ATF7IP2: variants seen among roughly 807,000 people sequenced by gnomAD.
ATF7IP2 encodes activating transcription factor 7 interacting protein 2, also known as activating transcription factor 7-interacting protein 2.
Under a neutral mutation model 64.2 loss-of-function variants are expected in ATF7IP2, and 42 were observed. The ratio of observed to expected loss-of-function variants is 0.65; its 90% CI spans 0.51 to 0.85. The LOEUF (loss-of-function observed/expected upper bound fraction) is 0.85, where lower values mean the gene tolerates loss of function less well. Among genes scored for constraint, ATF7IP2 ranks in the 40% least tolerant of loss-of-function variants. The pLI is 0.00. For synonymous variants in ATF7IP2, 308 were observed against 272.8 expected (o/e 1.13, Z -1.27); for missense variants, 933 against 784.2 (o/e 1.19, Z -2.27).
At chr16:10,468,322 C>G (rs16957343) in intron 9 of ATF7IP2, among the ~76,000 whole-genome samples, 4,059 of 152,130 alleles carry the variant, frequency 0.027, 161 homozygotes, top group African/African-American at 0.091. Flanking sequence ...GCATGGAAAA[C>G]TGTTGAGCAT....
At chr16:10,389,717 A>G (rs1438180631) in intron 1 of ATF7IP2, among the ~76,000 whole-genome samples, 1 of 152,252 alleles carries the variant, frequency 6.6e-6, no homozygotes, top group Admixed American at 6.5e-5. Context: ...GAGTGCTGGC[A>G]AGCAACTGCT....
chr16:10,419,212 A>T (rs1293768046), intron 2 of ATF7IP2, among the ~76,000 whole-genome samples: 1 of 152,238 alleles, frequency 6.6e-6, no homozygotes, highest in African/African-American at 2.4e-5. Flanking sequence ...TAGAATGATT[A>T]CATCCAGGCA....
intron 1 of ATF7IP2, among the ~76,000 whole-genome samples, chr16:10,389,499 C>T (rs2047277857): frequency 1.3e-5 from 2 of 152,120 alleles, no homozygotes; most frequent in Non-Finnish European, 2.9e-5. Context: ...TGCTCCCCGT[C>T]CAGTGTTACC....
chr16:10,427,894 T>A (rs970369453), intron 3 of ATF7IP2, among the ~76,000 whole-genome samples: 7 of 151,468 alleles, frequency 4.6e-5, no homozygotes, highest in Non-Finnish European at 7.4e-5. Flanking sequence ...CAAAGATCTT[T>A]CACAAATGAT....
chr16:10,395,546 C>G (rs1480494778), intron 1 of ATF7IP2, among the ~76,000 whole-genome samples: 1 of 151,950 alleles, frequency 6.6e-6, no homozygotes, highest in Non-Finnish European at 1.5e-5. Context: ...AATCCTCAAC[C>G]AAATACTAGT....
At chr16:10,419,089 G>A (rs546037866) in intron 2 of ATF7IP2, among the ~76,000 whole-genome samples, 13 of 152,130 alleles carry the variant, frequency 8.5e-5, no homozygotes, top group African/African-American at 2.2e-4. Context: ...TCATTTTTTC[G>A]GGCCAGGTCC....
Position 10,473,540 on chromosome 16 carries a change from TA to T in ATF7IP2, c.1482+8del. Reference sequence around the variant, plus strand: ...CTCCCAATGCTGAAGTTATGGTGAGTAATAAATATTGACTCTGAATATTGTT... The same window carrying T: ...CTCCCAATGCTGAAGTTATGGTGAGTATAAATATTGACTCTGAATATTGTT... On this transcript the variant is annotated splice_region_variant and intron_variant, in intron 11 of 13. Coordinates refer to ENST00000562102, the MANE Select transcript of ATF7IP2 (RefSeq NM_001393719.1). The T allele has an allele frequency of 6.5e-7, 1 of 1,529,358 alleles. No individual in the cohort carries two copies. The highest frequency in any genetic ancestry group is 9.0e-7 in the Non-Finnish European group (1 of 1,112,744). 94.7% of individuals were successfully genotyped at this position (1,529,358 alleles called of 1,614,324 possible).
intron 8 of ATF7IP2, among the ~76,000 whole-genome samples, chr16:10,455,693 G>A (rs1328526417): frequency 6.6e-6 from 1 of 152,164 alleles, no homozygotes; most frequent in Non-Finnish European, 1.5e-5. Flanking sequence ...AAATTTGGAA[G>A]TTAAAGACTG....
intron 1 of ATF7IP2, among the ~76,000 whole-genome samples, chr16:10,389,622 C>G (rs1032190653): frequency 6.6e-6 from 1 of 152,036 alleles, no homozygotes; most frequent in African/African-American, 2.4e-5. Context: ...ATTTGTAACT[C>G]AAGAAACAGT....
At chr16:10,461,956 G>T (rs1215397167) in intron 9 of ATF7IP2, among the ~76,000 whole-genome samples, 1 of 151,992 alleles carries the variant, frequency 6.6e-6, no homozygotes, top group African/African-American at 2.4e-5. Context: ...CCTGTTTTCT[G>T]TTTGCCCTGT....
chr16:10,453,855 G>A (rs1459423104), intron 8 of ATF7IP2, among the ~76,000 whole-genome samples: 2 of 152,000 alleles, frequency 1.3e-5, no homozygotes, highest in Admixed American at 6.6e-5. Context: ...GACCTCATGT[G>A]ATCCGCCTGC....
intron 1 of ATF7IP2, chr16:10,387,615 C>T (rs774862340): frequency 6.6e-6 from 1 of 152,180 alleles, no homozygotes; most frequent in Non-Finnish European, 1.5e-5. Flanking sequence ...TTGCATGATC[C>T]CTGCACCTTT....
chr16:10,468,660 C>T (rs1384017516), intron 9 of ATF7IP2, among the ~76,000 whole-genome samples: 1 of 152,098 alleles, frequency 6.6e-6, no homozygotes, highest in Non-Finnish European at 1.5e-5. Flanking sequence ...GAAAAAAATT[C>T]AGATAGAGCT....
intron 8 of ATF7IP2, among the ~76,000 whole-genome samples, chr16:10,443,561 C>T (rs979555341): frequency 1.3e-5 from 2 of 152,178 alleles, no homozygotes; most frequent in African/African-American, 4.8e-5. Context: ...CAGGCATTTG[C>T]TTCTTGGTAT....
At chr16:10,414,080 T>C (rs2047822951) in intron 1 of ATF7IP2, among the ~76,000 whole-genome samples, 1 of 152,196 alleles carries the variant, frequency 6.6e-6, no homozygotes. Context: ...CTTTTTGCAG[T>C]GAATTTCCCA....
chr16:10,481,107 A>G (rs991213256), intron 13 of ATF7IP2, 143 bp downstream of exon 13: 48 of 616,400 alleles, frequency 7.8e-5, no homozygotes, highest in Middle Eastern at 3.1e-4. Flanking sequence ...TATTTATACA[A>G]TTAAAATTAT....
chr16:10,410,759 A>G (rs1443635260), intron 1 of ATF7IP2, among the ~76,000 whole-genome samples: 2 of 152,084 alleles, frequency 1.3e-5, no homozygotes, highest in African/African-American at 4.8e-5. Flanking sequence ...TGTCAATCTC[A>G]GTATGTTATT....
intron 8 of ATF7IP2, among the ~76,000 whole-genome samples, chr16:10,452,854 C>A (rs1567481629): frequency 6.6e-6 from 1 of 152,180 alleles, no homozygotes. Flanking sequence ...CGGCCCAGTT[C>A]AAACTTCCCA....
At chr16:10,412,104 C>T (rs1397127836) in intron 1 of ATF7IP2, among the ~76,000 whole-genome samples, 2 of 131,538 alleles carry the variant, frequency 1.5e-5, no homozygotes, top group Non-Finnish European at 3.1e-5. Context: ...ATACATGTGA[C>T]ATGTTGGTTT....
Sources: allele counts gnomAD v4.1 joint callset (sites outside exome capture counted in the v4.1 genomes callset), GRCh38; gene constraint gnomAD v4.1.1; transcripts MANE v1.5; gene names NCBI Gene and HGNC (gene_info 2026-07-23, HGNC 2026-07-21).